Variants in MAN1C1 observed in about 807,000 individuals in gnomAD.
The protein encoded by MAN1C1 is mannosidase alpha class 1C member 1.
MAN1C1 carries 49 observed loss-of-function variants against 71.5 expected under a neutral mutation model. That is an observed-to-expected ratio of 0.69 (90% CI 0.54 to 0.87). The LOEUF is 0.87. MAN1C1 is among the 40% of genes least tolerant of loss of function. The probability of loss-of-function intolerance (pLI) is 0.00; values close to 1 mark genes in which losing one functional copy is unlikely to be tolerated. For synonymous variants in MAN1C1, 352 were observed against 343.7 expected (o/e 1.02, Z -0.27); for missense variants, 743 against 835.0 (o/e 0.89, Z 1.36).
chr1:25,618,207 AGGG>A lies in MAN1C1; in HGVS notation c.411_413del (p.Glu137_Gly138delinsAsp). The A allele has an allele frequency of 6.3e-7, 1 of 1,591,294 alleles. No individual in the cohort carries two copies. The highest frequency in any genetic ancestry group is 8.5e-7 in the Non-Finnish European group (1 of 1,172,556). ...ATCCCGGCCTCCAGGCCCGGGGACGAGGGCGTCCCTTTCCGCTTTGACTTCAAC... is the reference window on the plus strand; with the variant it reads ...ATCCCGGCCTCCAGGCCCGGGGACGACGTCCCTTTCCGCTTTGACTTCAAC... On this transcript the variant is annotated inframe_deletion, in exon 1 of 12. Coordinates refer to ENST00000374332, the MANE Select transcript of MAN1C1 (RefSeq NM_020379.4).
chr1:25,644,145 C>T (rs1239834778), intron 1 of MAN1C1, among the ~76,000 whole-genome samples: 5 of 152,056 alleles, frequency 3.3e-5, no homozygotes, highest in East Asian at 1.9e-4. Flanking sequence ...CAAAGGGCTG[C>T]GGAGTCACCT....
intron 1 of MAN1C1, among the ~76,000 whole-genome samples, chr1:25,644,283 A>C (rs919606005): frequency 6.6e-6 from 1 of 151,930 alleles, no homozygotes; most frequent in Non-Finnish European, 1.5e-5. Context: ...GGTGTTGTGC[A>C]TGTGGATATA....
chr1:25,650,256 G>GT (rs902591779), intron 1 of MAN1C1, among the ~76,000 whole-genome samples: 1 of 151,544 alleles, frequency 6.6e-6, no homozygotes, highest in African/African-American at 2.4e-5. Context: ...CTTACCCAGT[G>GT]TTTATTTCTC....
intron 3 of MAN1C1, 110 bp from the exon 4 acceptor site, chr1:25,749,145 C>T: frequency 2.5e-6 from 2 of 799,284 alleles, no homozygotes; most frequent in Non-Finnish European, 3.9e-6. Flanking sequence ...CCTGGCTTAC[C>T]AGAGCCGGGG....
At chr1:25,676,685 G>C (rs1356361611) in intron 1 of MAN1C1, among the ~76,000 whole-genome samples, 1 of 152,208 alleles carries the variant, frequency 6.6e-6, no homozygotes, top group Non-Finnish European at 1.5e-5. Context: ...CGCCAGTAAG[G>C]CTGCACGTCA....
intron 2 of MAN1C1, among the ~76,000 whole-genome samples, chr1:25,696,526 CTG>C (rs764750466): frequency 6.6e-6 from 1 of 152,178 alleles, no homozygotes; most frequent in Non-Finnish European, 1.5e-5. Context: ...ATAGTTACCT[CTG>C]TGTAACTGCC....
intron 1 of MAN1C1, among the ~76,000 whole-genome samples, chr1:25,620,624 G>T (rs571936233): frequency 6.6e-6 from 1 of 152,314 alleles, no homozygotes; most frequent in South Asian, 2.1e-4. Context: ...AGGGACTGTT[G>T]CTTTCCTCCC....
chr1:25,652,856 A>T (rs1249341126), intron 1 of MAN1C1, among the ~76,000 whole-genome samples: 3 of 152,188 alleles, frequency 2.0e-5, no homozygotes, highest in Non-Finnish European at 4.4e-5. Flanking sequence ...CCCAGGCTCA[A>T]GCGATCCTCC....
intron 1 of MAN1C1, among the ~76,000 whole-genome samples, chr1:25,664,651 A>G (rs989301718): frequency 6.6e-6 from 1 of 152,348 alleles, no homozygotes; most frequent in Non-Finnish European, 1.5e-5. Flanking sequence ...ATGACGGAAG[A>G]TTTCTTGGCC....
rs936514449 is a variant in MAN1C1, at chr1:25,617,120, C to A, written c.-678C>A. 6.6e-6 allele frequency among the ~76,000 whole-genome samples: 1 copy of A among 151,924 alleles called. No individual in the cohort carries two copies. Among genetic ancestry groups the A allele is most frequent in the East Asian group, 2.0e-4 (1 of 5,110 alleles). On this transcript the variant is annotated 5_prime_UTR_variant, in exon 1 of 12. Coordinates refer to ENST00000374332, the MANE Select transcript of MAN1C1 (RefSeq NM_020379.4). This position sits in a 1 kb window ranked among gnomAD's most constrained non-coding sequence, Gnocchi z 5.1. ...GGGCCCGGGGGAAGCCCCCTGCCCC[C>A]GCAGGCTCGGAAGTGCCTGCTCCTG...
chr1:25,781,866 G>A (rs1350162929), intron 10 of MAN1C1, among the ~76,000 whole-genome samples: 2 of 152,206 alleles, frequency 1.3e-5, no homozygotes, highest in African/African-American at 4.8e-5. Context: ...CCCTCCGTGG[G>A]TAGAAATTGT....
intron 11 of MAN1C1, among the ~76,000 whole-genome samples, chr1:25,783,253 AC>A (rs2047721240): frequency 6.6e-6 from 1 of 152,028 alleles, no homozygotes; most frequent in Non-Finnish European, 1.5e-5. Flanking sequence ...TAGAGTCACA[AC>A]CCCATGTTCT....
chr1:25,762,584 G>A (rs530817454), intron 6 of MAN1C1, among the ~76,000 whole-genome samples: 1 of 151,670 alleles, frequency 6.6e-6, no homozygotes, highest in Non-Finnish European at 1.5e-5. Flanking sequence ...GTGCCACCAC[G>A]CCTGGCCAAT....
At chr1:25,772,879 G>A (rs1204968336) in intron 8 of MAN1C1, among the ~76,000 whole-genome samples, 1 of 152,038 alleles carries the variant, frequency 6.6e-6, no homozygotes, top group African/African-American at 2.4e-5. Context: ...CACCCCAGGC[G>A]ACTCCCACCT....
intron 2 of MAN1C1, among the ~76,000 whole-genome samples, chr1:25,724,068 GC>G (rs2046801665): frequency 7.7e-6 from 1 of 130,300 alleles, no homozygotes; most frequent in Non-Finnish European, 1.6e-5. Context: ...TGCTCTTGTT[GC>G]CCAGGCTGGA....
In MAN1C1 at chr1:25,616,906, A is replaced by G. The variant is rs2045105209; in HGVS notation, c.-892A>G. 6.7e-6 allele frequency among the ~76,000 whole-genome samples: 1 copy of G among 148,534 alleles called. No individual in the cohort carries two copies. Among genetic ancestry groups the G allele is most frequent in the African/African-American group, 2.5e-5 (1 of 40,688 alleles). ...CGGCCGGTCTGGAGCGGCCGCTGCG[A>G]GGAAGACAGCTGCAGCGGGGGAGGC... On this transcript the variant is annotated 5_prime_UTR_variant, in exon 1 of 12. Transcript: ENST00000374332. This position sits in a 1 kb window ranked among gnomAD's most constrained non-coding sequence, Gnocchi z 5.6.
intron 2 of MAN1C1, among the ~76,000 whole-genome samples, chr1:25,697,227 T>G (rs1572157122): frequency 6.6e-6 from 1 of 152,218 alleles, no homozygotes; most frequent in East Asian, 1.9e-4. Flanking sequence ...ACCACTAATC[T>G]ACTTTCTGTC....
chr1:25,781,183 G>A (rs1276069177), intron 10 of MAN1C1, 71 bp downstream of exon 10: 2 of 1,557,402 alleles, frequency 1.3e-6, no homozygotes, highest in African/African-American at 1.4e-5. Flanking sequence ...GGTGCTAGGT[G>A]CCCTGGCTTG....
At position 25,764,634 on chromosome 1, in the gene MAN1C1, T is replaced by C. The variant is rs994454620; in HGVS notation, c.1141+667T>C. Among the ~76,000 whole-genome samples the C allele has an allele frequency of 4.3e-4, 65 of 151,972 alleles. No individual in the cohort carries two copies. The highest frequency in any genetic ancestry group is 9.1e-4 in the Non-Finnish European group (62 of 67,972). ...TTAGTAGAGATGTTGGCCAAGCTGG[T>C]CTCGAACTCCTGACCTCAAATGATC... On this transcript the variant is annotated intron_variant, in intron 7 of 11. Coordinates refer to ENST00000374332, the MANE Select transcript of MAN1C1 (RefSeq NM_020379.4). This position sits in a 1 kb window ranked among gnomAD's most constrained non-coding sequence, Gnocchi z 4.4.
Sources: gnomAD v4.1 joint callset for allele counts (sites outside exome capture counted in the v4.1 genomes callset) on GRCh38, gnomAD v4.1.1 for gene constraint, Gnocchi (gnomAD v3.1) non-coding constraint, MANE v1.5 for transcripts, NCBI Gene and HGNC (gene_info 2026-07-23, HGNC 2026-07-21) for gene names.